PHF14: variants seen among roughly 807,000 people sequenced by gnomAD.
The protein encoded by PHF14 is PHD finger protein 14.
In PHF14, 55 loss-of-function variants were observed where a neutral mutation model predicts 117.9. The observed-to-expected ratio is 0.47, with a 90% CI of 0.38 to 0.58. PHF14 has a LOEUF of 0.58. PHF14 is among the 20% of genes least tolerant of loss of function. PHF14 has a pLI of 0.00. For missense variants in PHF14, 978 were observed against 1,122.2 expected, an observed-to-expected ratio of 0.87 and a Z score of 1.84; for synonymous variants, 409 against 368.6, an observed-to-expected ratio of 1.11 and a Z score of -1.26.
chr7:11,159,170 G>C lies in PHF14; in HGVS notation c.2773-10246G>C, dbSNP rs1045501198. The stretch of plus-strand genomic sequence containing the variant: ...AATATTATTTTCCTTAAGAAAATTT[G>C]TTACCTTTCATTTTTTGAATATCTG... On this transcript the variant is annotated intron_variant, in intron 17 of 17. Coordinates refer to ENST00000634607, the MANE Select transcript of PHF14 (RefSeq NM_001007157.2). 2.0e-5 allele frequency among the ~76,000 whole-genome samples: 3 copies of C among 152,036 alleles called. No individual in the cohort carries two copies. The South Asian group carries it at 6.2e-4, about 31-fold the overall frequency.
At chr7:11,161,430 T>A (rs982274926) in intron 17 of PHF14, among the ~76,000 whole-genome samples, 2 of 151,996 alleles carry the variant, frequency 1.3e-5, no homozygotes, top group African/African-American at 4.8e-5. Context: ...ATATACTTGT[T>A]TTTTTATGTG....
chr7:11,047,039 G>A (rs980651393), intron 13 of PHF14, among the ~76,000 whole-genome samples: 3 of 150,706 alleles, frequency 2.0e-5, no homozygotes, highest in Admixed American at 6.6e-5. Flanking sequence ...TAACTTACAC[G>A]AATAAAATTC....
intron 2 of PHF14, among the ~76,000 whole-genome samples, chr7:10,979,447 A>G (rs1781979715): frequency 7.7e-6 from 1 of 129,682 alleles, no homozygotes; most frequent in South Asian, 2.7e-4. Context: ...TTTTAAAGAT[A>G]TATTTTTTTC....
At chr7:10,979,145 A>C (rs997091001) in intron 2 of PHF14, among the ~76,000 whole-genome samples, 1 of 152,180 alleles carries the variant, frequency 6.6e-6, no homozygotes, top group African/African-American at 2.4e-5. Flanking sequence ...TATGGGGAGA[A>C]CATTGGATAT....
intron 5 of PHF14, among the ~76,000 whole-genome samples, chr7:11,022,590 C>A (rs1312764603): frequency 1.3e-5 from 2 of 152,128 alleles, no homozygotes; most frequent in African/African-American, 4.8e-5. Flanking sequence ...GTGCAAAGTG[C>A]AGTGAGTGAA....
At chr7:11,077,963 C>T (rs1785930506) in intron 16 of PHF14, among the ~76,000 whole-genome samples, 1 of 152,170 alleles carries the variant, frequency 6.6e-6, no homozygotes, top group South Asian at 2.1e-4. Flanking sequence ...GCTTAAATTT[C>T]AAGAAGATAT....
intron 16 of PHF14, among the ~76,000 whole-genome samples, chr7:11,096,367 G>A (rs2128340003): frequency 6.6e-6 from 1 of 152,216 alleles, no homozygotes; most frequent in Non-Finnish European, 1.5e-5. Flanking sequence ...ACTTATAGGA[G>A]AAAGGGAATT....
intron 17 of PHF14, among the ~76,000 whole-genome samples, chr7:11,156,319 A>G (rs979089245): frequency 9.9e-5 from 15 of 152,206 alleles, no homozygotes; most frequent in Non-Finnish European, 1.5e-4. Flanking sequence ...AGCAAATTCA[A>G]TTTCTTTTTA....
chr7:11,144,281 C>A (rs1009502152), intron 17 of PHF14, among the ~76,000 whole-genome samples: 2 of 151,920 alleles, frequency 1.3e-5, no homozygotes, highest in Admixed American at 6.6e-5. Flanking sequence ...TAAATTCATG[C>A]AGCCATTATG....
At chr7:11,041,434 GTGTGTGTGTATGTA>G (rs1412901917) in intron 12 of PHF14, among the ~76,000 whole-genome samples, 2 of 151,916 alleles carry the variant, frequency 1.3e-5, no homozygotes, top group African/African-American at 4.8e-5. Context: ...TTGTGTGTGT[GTGTGTGTGTATGTA>G]TGTGTGTGTA....
chr7:11,020,792 A>G (rs146810208), intron 5 of PHF14, among the ~76,000 whole-genome samples: 57 of 152,282 alleles, frequency 3.7e-4, no homozygotes, highest in African/African-American at 1.2e-3. Context: ...AATTCTTCAT[A>G]TGTAAATGAA....
In PHF14 at chr7:11,130,053, T is replaced by C. The variant is rs1463802665; in HGVS notation, c.2772+18586T>C. Reference sequence around the variant, plus strand: ...TTGATTAATATAAGTTGATTTCTCATTCATGTAACGTATCAGTACAGGTTG... The same window carrying C: ...TTGATTAATATAAGTTGATTTCTCACTCATGTAACGTATCAGTACAGGTTG... On this transcript the variant is annotated intron_variant, in intron 17 of 17. Coordinates refer to ENST00000634607, the MANE Select transcript of PHF14 (RefSeq NM_001007157.2). The surrounding 1 kb of genome is among the most constrained non-coding windows in gnomAD (Gnocchi z 4.2). Among the ~76,000 whole-genome samples the C allele has an allele frequency of 2.6e-5, 4 of 152,074 alleles. No homozygotes were observed. In the South Asian group the frequency reaches 8.3e-4, roughly 31 times the overall value.
chr7:11,138,280 A>G (rs913622718), intron 17 of PHF14, among the ~76,000 whole-genome samples: 3 of 151,682 alleles, frequency 2.0e-5, no homozygotes, highest in African/African-American at 7.2e-5. Context: ...TGACCTCGTG[A>G]TCCACCCGCC....
At chr7:11,004,781 A>T (rs977183197) in intron 4 of PHF14, among the ~76,000 whole-genome samples, 4 of 151,960 alleles carry the variant, frequency 2.6e-5, no homozygotes, top group Admixed American at 1.3e-4. Context: ...CATGCCTGTA[A>T]TCCCAGCACT....
intron 17 of PHF14, among the ~76,000 whole-genome samples, chr7:11,116,646 T>C (rs1174810305): frequency 6.6e-6 from 1 of 151,866 alleles, no homozygotes. Context: ...CTACTTTGCT[T>C]GTCATTTGAT....
At chr7:11,135,638 G>A (rs1788197995) in intron 17 of PHF14, among the ~76,000 whole-genome samples, 2 of 152,050 alleles carry the variant, frequency 1.3e-5, no homozygotes, top group Non-Finnish European at 2.9e-5. Context: ...TTGTTAAGAA[G>A]CAACAATTTC....
chr7:11,150,498 G>A (rs1299517767), intron 17 of PHF14, among the ~76,000 whole-genome samples: 1 of 152,068 alleles, frequency 6.6e-6, no homozygotes, highest in Non-Finnish European at 1.5e-5. Context: ...ACTACTGAAT[G>A]AATAAAAGAA....
chr7:11,072,294 C>CA (rs1291054363), intron 16 of PHF14, among the ~76,000 whole-genome samples: 2 of 152,066 alleles, frequency 1.3e-5, no homozygotes, highest in African/African-American at 4.8e-5. Context: ...AAGAACTCAC[C>CA]ATCATGAGAA....
rs755597437 is a variant in PHF14, at chr7:11,169,523, A to T, written c.*33A>T. ...TCTGTAGTGTTTTTGAAAAGTTTGCAGCTTATGTAATAGCAGATAAAATTT... is the reference window on the plus strand; with the variant it reads ...TCTGTAGTGTTTTTGAAAAGTTTGCTGCTTATGTAATAGCAGATAAAATTT... On this transcript the variant is annotated 3_prime_UTR_variant, in exon 18 of 18. Transcript: ENST00000634607. 6.1e-6 allele frequency: 6 copies of T among 982,218 alleles called. No homozygotes were observed. Among genetic ancestry groups the T allele is most frequent in the Admixed American group, 3.1e-5 (1 of 31,916 alleles). 60.8% of individuals were successfully genotyped at this position (982,218 alleles called of 1,614,324 possible).
Sources: gnomAD v4.1 joint callset for allele counts (sites outside exome capture counted in the v4.1 genomes callset) on GRCh38, gnomAD v4.1.1 for gene constraint, Gnocchi (gnomAD v3.1) non-coding constraint, MANE v1.5 for transcripts, NCBI Gene and HGNC (gene_info 2026-07-23, HGNC 2026-07-21) for gene names.